The following GRIK4 variants were observed in gnomAD, a reference collection of about 807,000 sequenced individuals.
GRIK4 encodes the protein glutamate receptor ionotropic, kainate 4.
A neutral mutation model predicts 104.9 loss-of-function variants in GRIK4; 40 were observed. That is an observed-to-expected ratio of 0.38 (90% CI 0.30 to 0.50). The LOEUF is 0.50. Among genes scored for constraint, GRIK4 ranks in the 20% least tolerant of loss-of-function variants. The pLI, the probability that GRIK4 is intolerant of heterozygous loss-of-function variation, is 0.93. For missense variants in GRIK4, 1,047 were observed against 1,308.1 expected (o/e 0.80, Z 3.08); for synonymous variants, 485 against 524.9 (o/e 0.92, Z 1.04).
At chr11:120,644,042 T>TGTGTGTGTGG (rs1949507612) in intron 1 of GRIK4, among the ~76,000 whole-genome samples, 1 of 117,764 alleles carries the variant, frequency 8.5e-6, no homozygotes, top group Non-Finnish European at 1.7e-5. Context: ...TGTGTGTGTG[T>TGTGTGTGTGG]GTGAGAGAGA....
At chr11:120,632,713 T>A (rs932692474) in intron 1 of GRIK4, among the ~76,000 whole-genome samples, 1 of 152,106 alleles carries the variant, frequency 6.6e-6, no homozygotes, top group African/African-American at 2.4e-5. Context: ...CCCCCAGAAC[T>A]GAGGGTTCCT....
chr11:120,842,026 C>A (rs1484534629), intron 8 of GRIK4, among the ~76,000 whole-genome samples: 1 of 152,134 alleles, frequency 6.6e-6, no homozygotes, highest in Non-Finnish European at 1.5e-5. Context: ...TTTGGAGGTT[C>A]TCTGTCCTCA....
At chr11:120,859,578 G>A (rs1244327262) in intron 8 of GRIK4, among the ~76,000 whole-genome samples, 1 of 152,174 alleles carries the variant, frequency 6.6e-6, no homozygotes, top group African/African-American at 2.4e-5. Context: ...CAGGGAAGAG[G>A]ACATTTTCCA....
At chr11:120,985,391 C>T (rs542046835) in intron 20 of GRIK4, among the ~76,000 whole-genome samples, 5 of 152,284 alleles carry the variant, frequency 3.3e-5, no homozygotes, top group Admixed American at 1.3e-4. Flanking sequence ...CATGAGGATA[C>T]ATCCACCTCC....
chr11:120,963,165 A>C (rs911773495), intron 18 of GRIK4, among the ~76,000 whole-genome samples: 14 of 152,172 alleles, frequency 9.2e-5, no homozygotes, highest in African/African-American at 3.4e-4. Flanking sequence ...CCATGATTAG[A>C]TGGAATGCTT....
rs1055142960 is a variant in GRIK4, at chr11:120,937,094, G to A, written c.1477-3253G>A. Reference sequence around the variant, plus strand: ...TCTCTGTTGCCCAGGCTGGAGTGCGGTGGCACGATCTCAGCTCACTGCAAC... The same window carrying A: ...TCTCTGTTGCCCAGGCTGGAGTGCGATGGCACGATCTCAGCTCACTGCAAC... On this transcript the variant is annotated intron_variant, in intron 13 of 20. Transcript: ENST00000527524. 3.9e-5 allele frequency among the ~76,000 whole-genome samples: 6 copies of A among 152,148 alleles called. No individual in the cohort carries two copies. In the South Asian group the frequency reaches 1.2e-3, roughly 32 times the overall value.
rs137906208 is a variant in GRIK4, at chr11:120,861,999, G to A, written c.785G>A (p.Arg262His). The change falls in exon 9 of 21, where the codon CGT (arginine) becomes CAT (histidine). Residue 262 changes from arginine to histidine, a missense_variant. By Grantham distance (29) the Arg-to-His change is conservative (BLOSUM62 0). Transcript: ENST00000527524. ...AGAATGGACAGCCTTGTGGATGATC[G>A]TGTCAACATCCTGGGATTTTCCATT... ...LQRMDSLVDD[R>H]VNILGFSIFN... 68 of 1,613,608 alleles carry A rather than the reference G, an allele frequency of 4.2e-5. No individual in the cohort carries two copies. Among genetic ancestry groups the A allele is most frequent in the South Asian group, 7.7e-5 (7 of 91,064 alleles).
chr11:120,981,386 T>C (rs145250488), intron 19 of GRIK4, among the ~76,000 whole-genome samples: 1 of 152,330 alleles, frequency 6.6e-6, no homozygotes, highest in Non-Finnish European at 1.5e-5. Flanking sequence ...CTTCTAAAAT[T>C]ACCAATTTGT....
rs1944274770 is a variant in GRIK4, at chr11:120,960,954, G to A, written c.1920G>A (p.Leu640=). The change falls in exon 17 of 21, where the codon CTG becomes CTA. Residue 640 remains leucine, a synonymous_variant. Coordinates refer to ENST00000527524, the MANE Select transcript of GRIK4 (RefSeq NM_014619.5). ...LIIISSYTAN[L]AAFLTVQRMD... ...TCATCTCATCCTACACGGCCAACCT[G>A]GCAGCCTTCCTGACCGTGCAGCGCA... The A allele has an allele frequency of 1.2e-6, 2 of 1,613,982 alleles. No individual in the cohort carries two copies. Among genetic ancestry groups the A allele is most frequent in the Non-Finnish European group, 1.7e-6 (2 of 1,179,970 alleles).
At chr11:120,668,890 G>T (rs1435470328) in intron 3 of GRIK4, among the ~76,000 whole-genome samples, 2 of 152,158 alleles carry the variant, frequency 1.3e-5, no homozygotes, top group African/African-American at 2.4e-5. Context: ...GCTTTTATAA[G>T]AATTCAATAA....
chr11:120,625,283 T>C (rs189001721), intron 1 of GRIK4, among the ~76,000 whole-genome samples: 1 of 152,086 alleles, frequency 6.6e-6, no homozygotes, highest in East Asian at 1.9e-4. Flanking sequence ...CTATGGTGGT[T>C]GGTCAAGGCA....
intron 11 of GRIK4, among the ~76,000 whole-genome samples, chr11:120,896,579 A>G (rs1381881530): frequency 6.6e-6 from 1 of 152,180 alleles, no homozygotes; most frequent in African/African-American, 2.4e-5. Context: ...GGCCCACGAG[A>G]GCTCCCAGCT....
intron 3 of GRIK4, among the ~76,000 whole-genome samples, chr11:120,685,781 C>G (rs909190952): frequency 1.3e-5 from 2 of 152,098 alleles, no homozygotes; most frequent in African/African-American, 4.8e-5. Flanking sequence ...AGGCTATGGT[C>G]GTCTTTCTCA....
chr11:120,712,370 TTAG>T (rs1950750823), intron 3 of GRIK4, among the ~76,000 whole-genome samples: 1 of 152,196 alleles, frequency 6.6e-6, no homozygotes, highest in African/African-American at 2.4e-5. Flanking sequence ...AGGAAGGACC[TTAG>T]CCAAGGCAGT....
chr11:120,789,977 A>G (rs1305553447), intron 3 of GRIK4, among the ~76,000 whole-genome samples: 3 of 152,088 alleles, frequency 2.0e-5, no homozygotes, highest in African/African-American at 7.3e-5. Flanking sequence ...TCTCTATGGA[A>G]CCACTTCATT....
rs1435260510 is a variant in GRIK4, at chr11:120,902,656, C to T, written c.1273-2634C>T. ...TGACGAGTCTGTCCCAGGACCCACT[C>T]CCATTCTACCTAGAGCAGGCGCAAA... On this transcript the variant is annotated intron_variant, in intron 12 of 20. Coordinates refer to ENST00000527524, the MANE Select transcript of GRIK4 (RefSeq NM_014619.5). The surrounding 1 kb of genome is among the most constrained non-coding windows in gnomAD (Gnocchi z 4.5). Among the ~76,000 whole-genome samples the T allele has an allele frequency of 2.0e-5, 3 of 152,164 alleles. No individual in the cohort carries two copies. Among genetic ancestry groups the T allele is most frequent in the African/African-American group, 7.2e-5 (3 of 41,426 alleles).
At chr11:120,593,052 G>A (rs746119098) in intron 1 of GRIK4, among the ~76,000 whole-genome samples, 9 of 151,914 alleles carry the variant, frequency 5.9e-5, no homozygotes, top group Non-Finnish European at 1.2e-4. Flanking sequence ...GGCTGGTGGC[G>A]CACTCCTGTA....
At chr11:120,728,940 A>G (rs957569531) in intron 3 of GRIK4, among the ~76,000 whole-genome samples, 8 of 152,058 alleles carry the variant, frequency 5.3e-5, no homozygotes, top group African/African-American at 1.9e-4. Flanking sequence ...TCTGGTAACC[A>G]TCCTTCTACT....
intron 1 of GRIK4, among the ~76,000 whole-genome samples, chr11:120,616,411 C>A (rs375269678): frequency 6.6e-5 from 10 of 152,178 alleles, no homozygotes; most frequent in African/African-American, 2.4e-4. Flanking sequence ...CCTGAGGAAG[C>A]GCCTGTTAGA....
Sources: gnomAD v4.1 joint callset for allele counts (sites outside exome capture counted in the v4.1 genomes callset) on GRCh38, gnomAD v4.1.1 for gene constraint, Gnocchi (gnomAD v3.1) non-coding constraint, MANE v1.5 for transcripts, NCBI Gene and HGNC (gene_info 2026-07-23, HGNC 2026-07-21) for gene names.